The following METTL16 variants were observed in gnomAD, a reference collection of about 807,000 sequenced individuals.
METTL16 encodes RNA N(6)-adenosine-methyltransferase METTL16.
Under a neutral mutation model 57.9 loss-of-function variants are expected in METTL16, and 19 were observed. The observed-to-expected ratio is 0.33, with a 90% CI of 0.23 to 0.48. METTL16 has a LOEUF of 0.48. Ranked by LOEUF, METTL16 falls within the 20% of genes least tolerant of loss-of-function variation. The pLI is 0.99. For synonymous variants in METTL16, 246 were observed against 255.6 expected (o/e 0.96, Z 0.36); for missense variants, 434 against 691.5 (o/e 0.63, Z 4.18).
At chr17:2,507,060 G>A (rs1184916805) in intron 1 of METTL16, among the ~76,000 whole-genome samples, 6 of 150,370 alleles carry the variant, frequency 4.0e-5, no homozygotes, top group African/African-American at 7.4e-5. Flanking sequence ...CAGCCACCCC[G>A]TCCGGGAGGG....
intron 7 of METTL16, among the ~76,000 whole-genome samples, chr17:2,439,580 T>G (rs866411466): frequency 1.2e-4 from 19 of 152,052 alleles, no homozygotes; most frequent in Middle Eastern, 6.8e-3. Context: ...GTAGCTTGAG[T>G]TTCTGGATCT....
At chr17:2,426,980 CGAAAAAAA>C (rs2151542668) in intron 8 of METTL16, among the ~76,000 whole-genome samples, 1 of 65,982 alleles carries the variant, frequency 1.5e-5, no homozygotes, top group Non-Finnish European at 2.7e-5. Flanking sequence ...ACTAAAAATA[CGAAAAAAA>C]AAAAAAGAGC....
intron 2 of METTL16, among the ~76,000 whole-genome samples, chr17:2,485,148 C>T (rs1451612551): frequency 2.0e-5 from 3 of 152,098 alleles, no homozygotes; most frequent in Non-Finnish European, 2.9e-5. Flanking sequence ...GTCAGATCAG[C>T]GCAGCATTAG....
chr17:2,492,054 A>C lies in METTL16; in HGVS notation c.128+10150T>G, dbSNP rs185706941. The stretch of plus-strand genomic sequence containing the variant: ...GTGAAACCCTGTCTCTACTAAAAAT[A>C]CAAAAAATTAGCCGGGCGTGGTGGC... On this transcript the variant is annotated intron_variant, in intron 2 of 9. Coordinates refer to ENST00000263092, the MANE Select transcript of METTL16 (RefSeq NM_024086.4). Among the ~76,000 whole-genome samples the C allele has an allele frequency of 6.8e-4, 103 of 150,876 alleles. 1 individual carries two copies. In the East Asian group the frequency reaches 0.019, roughly 28 times the overall value.
At chr17:2,502,093 G>A (rs1198489089) in intron 2 of METTL16, 111 bp downstream of exon 2, 6 of 1,121,206 alleles carry the variant, frequency 5.4e-6, no homozygotes, top group Non-Finnish European at 7.7e-6. Flanking sequence ...GTCCAAGGTC[G>A]CATGGGACGT....
intron 6 of METTL16, among the ~76,000 whole-genome samples, chr17:2,447,003 C>A (rs1232846386): frequency 3.3e-5 from 5 of 150,892 alleles, no homozygotes; most frequent in African/African-American, 9.9e-5. Context: ...CAGCCGCCAC[C>A]CCGTCTGGGA....
chr17:2,506,568 G>A (rs955797660), intron 1 of METTL16, among the ~76,000 whole-genome samples: 2,574 of 151,462 alleles, frequency 0.017, 61 homozygotes, highest in African/African-American at 0.057. Flanking sequence ...GATGGCAGAC[G>A]GAGTTGCGTT....
intron 6 of METTL16, among the ~76,000 whole-genome samples, chr17:2,450,789 GA>G (rs2067063026): frequency 6.6e-6 from 1 of 152,048 alleles, no homozygotes; most frequent in African/African-American, 2.4e-5. Flanking sequence ...GGAAATTTCA[GA>G]TTAAGGGATA....
intron 4 of METTL16, among the ~76,000 whole-genome samples, chr17:2,470,037 T>G (rs1178714975): frequency 6.6e-6 from 1 of 152,196 alleles, no homozygotes; most frequent in Non-Finnish European, 1.5e-5. Context: ...TCTCTTCGTA[T>G]TTTCATCAAC....
chr17:2,473,322 G>T (rs139044347), intron 4 of METTL16, among the ~76,000 whole-genome samples: 209 of 152,206 alleles, frequency 1.4e-3, no homozygotes, highest in African/African-American at 4.9e-3. Context: ...CACAAAAAAA[G>T]AATCCACAAA....
chr17:2,458,269 G>A (rs928315118), intron 6 of METTL16, among the ~76,000 whole-genome samples: 4 of 152,144 alleles, frequency 2.6e-5, no homozygotes, highest in Non-Finnish European at 4.4e-5. Context: ...CAGGGGACAC[G>A]CTGGTGCTTT....
intron 2 of METTL16, among the ~76,000 whole-genome samples, chr17:2,494,347 A>G (rs997064472): frequency 6.6e-6 from 1 of 152,110 alleles, no homozygotes; most frequent in African/African-American, 2.4e-5. Context: ...TTGTGGGTAC[A>G]TGGTAGGTAT....
chr17:2,490,083 A>C (rs989273023), intron 2 of METTL16, among the ~76,000 whole-genome samples: 7 of 152,232 alleles, frequency 4.6e-5, no homozygotes, highest in African/African-American at 1.7e-4. Flanking sequence ...TCTTGTAAAA[A>C]CAAAACAAAA....
At chr17:2,425,520 A>C (rs2066811383) in intron 8 of METTL16, among the ~76,000 whole-genome samples, 1 of 152,212 alleles carries the variant, frequency 6.6e-6, no homozygotes, top group Non-Finnish European at 1.5e-5. Context: ...ATATCTTTTG[A>C]ATTCCAAGTA....
intron 1 of METTL16, among the ~76,000 whole-genome samples, chr17:2,508,269 C>T (rs1026603376): frequency 2.6e-5 from 4 of 152,154 alleles, no homozygotes; most frequent in African/African-American, 9.7e-5. Context: ...GCTTCCTACA[C>T]TGGAAATTAA....
chr17:2,441,342 G>A, intron 7 of METTL16, 148 bp downstream of exon 7: 2 of 508,952 alleles, frequency 3.9e-6, no homozygotes, highest in Non-Finnish European at 6.6e-6. Context: ...GGTAGGACAT[G>A]CACAACGACA....
chr17:2,477,136 G>A (rs796523449), intron 3 of METTL16, among the ~76,000 whole-genome samples: 8 of 152,116 alleles, frequency 5.3e-5, no homozygotes, highest in African/African-American at 1.9e-4. Context: ...GAGCCCAGGA[G>A]TCAAGACCAA....
At chr17:2,502,027 C>T (rs1405276089) in intron 2 of METTL16, among the ~76,000 whole-genome samples, 177 bp downstream of exon 2, 2 of 152,068 alleles carry the variant, frequency 1.3e-5, no homozygotes, top group Non-Finnish European at 2.9e-5. Flanking sequence ...AGCATCTGGT[C>T]CATTCCTCTA....
At chr17:2,479,884 C>T (rs1166253452) in intron 2 of METTL16, among the ~76,000 whole-genome samples, 4 of 152,042 alleles carry the variant, frequency 2.6e-5, no homozygotes, top group Admixed American at 1.3e-4. Context: ...TCAGTTTCTC[C>T]ACCTATAAAA....
Sources: gnomAD v4.1 joint callset for allele counts (sites outside exome capture counted in the v4.1 genomes callset) on GRCh38, gnomAD v4.1.1 for gene constraint, MANE v1.5 for transcripts, NCBI Gene and HGNC (gene_info 2026-07-23, HGNC 2026-07-21) for gene names.